Variants in GRIN2B observed in about 807,000 individuals in gnomAD.
GRIN2B encodes the protein glutamate receptor ionotropic, NMDA 2B.
Under a neutral mutation model 114.5 loss-of-function variants are expected in GRIN2B, and 5 were observed. The ratio of observed to expected loss-of-function variants is 0.04; its 90% CI spans 0.02 to 0.09. The LOEUF is 0.09. GRIN2B is among the 10% of genes least tolerant of loss of function. GRIN2B has a pLI of 1.00. For missense variants in GRIN2B, 1,108 were observed against 1,943.5 expected (o/e 0.57, Z 8.08); for synonymous variants, 787 against 745.1 (o/e 1.06, Z -0.92).
intron 4 of GRIN2B, among the ~76,000 whole-genome samples, chr12:13,751,838 G>A (rs1011844269): frequency 1.3e-5 from 2 of 152,132 alleles, no homozygotes; most frequent in East Asian, 1.9e-4. Flanking sequence ...AAGGAAGAGG[G>A]TCTAGAACCC....
intron 10 of GRIN2B, among the ~76,000 whole-genome samples, chr12:13,575,844 CT>C (rs1176033982): frequency 1.3e-5 from 2 of 151,996 alleles, no homozygotes; most frequent in African/African-American, 2.4e-5. Context: ...GACCTACCCT[CT>C]TTTCTGGAAG....
chr12:13,683,921 T>G (rs1249852339), intron 4 of GRIN2B: 1 of 152,164 alleles, frequency 6.6e-6, no homozygotes, highest in Non-Finnish European at 1.5e-5. Flanking sequence ...AGTCTAACTG[T>G]TCATATTTAG....
rs1427827056 is a variant in GRIN2B at position 13,692,760 on chromosome 12, C to CTTTCTTTTTTTT, written c.1011-16902_1011-16901insAAAAAAAAGAAA. ...ACTTATTTTCATTAATCTTTCTTTT[C>CTTTCTTTTTTTT]TTTTTTTTTTTTTTTTTTTTTTTTT... is the stretch of plus-strand genomic sequence containing the variant. On this transcript the variant is annotated intron_variant, in intron 4 of 13. Transcript: ENST00000609686. Among the ~76,000 whole-genome samples, 22 of 52,118 alleles carry CTTTCTTTTTTTT rather than the reference C, an allele frequency of 4.2e-4. 1 individual carries two copies. The highest frequency in any genetic ancestry group is 1.8e-3 in the African/African-American group (19 of 10,542). The allele number at this position is 52,118 out of a possible 152,430, so 34.2% of individuals were successfully genotyped here.
At chr12:13,692,071 A>G (rs555252214) in intron 4 of GRIN2B, among the ~76,000 whole-genome samples, 5 of 152,216 alleles carry the variant, frequency 3.3e-5, no homozygotes, top group Non-Finnish European at 7.3e-5. Context: ...CCCCCGATTG[A>G]AGCCAAGAGA....
chr12:13,793,835 T>G (rs1457561665), intron 3 of GRIN2B, among the ~76,000 whole-genome samples: 2 of 152,180 alleles, frequency 1.3e-5, no homozygotes, highest in East Asian at 3.9e-4. Flanking sequence ...ATCAGACTTT[T>G]TGGAAGAAGG....
intron 8 of GRIN2B, among the ~76,000 whole-genome samples, chr12:13,613,378 T>C (rs1949390759): frequency 6.6e-6 from 1 of 152,190 alleles, no homozygotes; most frequent in Admixed American, 6.5e-5. Flanking sequence ...ATATAATCCT[T>C]CTAATGGCCC....
chr12:13,558,777 A>C lies in GRIN2B; in HGVS notation c.*4006T>G, dbSNP rs1401785611. The C allele has an allele frequency of 6.6e-6, 1 of 152,224 alleles. No individual in the cohort carries two copies. Among genetic ancestry groups the C allele is most frequent in the Non-Finnish European group, 1.5e-5 (1 of 68,048 alleles). The allele number at this position is 152,224 out of a possible 1,614,324, so 9.4% of individuals were successfully genotyped here. ...TTTCCCAAGTTCTGGCTGAGGATAC[A>C]CAGTGACAGATTTTGAAATAACAAA... On this transcript the variant is annotated 3_prime_UTR_variant, in exon 14 of 14. Coordinates refer to ENST00000609686, the MANE Select transcript of GRIN2B (RefSeq NM_000834.5).
intron 2 of GRIN2B, among the ~76,000 whole-genome samples, chr12:13,947,262 C>G (rs757166326): frequency 6.6e-6 from 1 of 152,150 alleles, no homozygotes; most frequent in African/African-American, 2.4e-5. Flanking sequence ...TGAGGTTGCA[C>G]GTATGTATCC....
At chr12:13,778,757 A>C (rs1231435328) in intron 3 of GRIN2B, among the ~76,000 whole-genome samples, 3 of 152,182 alleles carry the variant, frequency 2.0e-5, no homozygotes, top group Non-Finnish European at 2.9e-5. Flanking sequence ...AATCACCTGA[A>C]ACCCGTACTT....
intron 3 of GRIN2B, among the ~76,000 whole-genome samples, chr12:13,759,779 T>C (rs550610403): frequency 6.6e-6 from 1 of 152,320 alleles, no homozygotes; most frequent in Admixed American, 6.5e-5. Flanking sequence ...GATGTTATTC[T>C]ATACCCCAAG....
chr12:13,857,372 T>TACACACACACAC (rs142914230), intron 3 of GRIN2B, among the ~76,000 whole-genome samples: 4 of 147,584 alleles, frequency 2.7e-5, no homozygotes, highest in African/African-American at 9.9e-5. Context: ...CACGCGTGCA[T>TACACACACACAC]ACACACACAC....
At chr12:13,680,363 C>G (rs1213314174) in intron 4 of GRIN2B, among the ~76,000 whole-genome samples, 1 of 151,478 alleles carries the variant, frequency 6.6e-6, no homozygotes, top group South Asian at 2.1e-4. Flanking sequence ...AGTCAAAAAG[C>G]TTTGCTTCAA....
intron 2 of GRIN2B, among the ~76,000 whole-genome samples, chr12:13,948,548 T>A (rs1472658503): frequency 6.6e-6 from 1 of 152,114 alleles, no homozygotes; most frequent in Non-Finnish European, 1.5e-5. Context: ...TGCCAAAGAT[T>A]TCAACACGGT....
At chr12:13,572,007 G>GGAGA (rs370168771) in intron 10 of GRIN2B, 43 bp from the exon 11 acceptor site, 18 of 1,462,906 alleles carry the variant, frequency 1.2e-5, no homozygotes, top group Admixed American at 9.1e-5. Flanking sequence ...GGAGATGGAG[G>GGAGA]GAGAGAGAGA....
chr12:13,734,436 G>A (rs191978911), intron 4 of GRIN2B, among the ~76,000 whole-genome samples: 158 of 152,262 alleles, frequency 1.0e-3, no homozygotes, highest in Admixed American at 1.8e-3. Context: ...CCATGGGAAC[G>A]CTTTATGTGC....
chr12:13,576,291 T>TA (rs1016090876), intron 10 of GRIN2B, among the ~76,000 whole-genome samples: 3 of 152,190 alleles, frequency 2.0e-5, no homozygotes, highest in African/African-American at 7.2e-5. Context: ...AATGCCCTTG[T>TA]AATAAAACTT....
chr12:13,650,898 T>C (rs1949806373), intron 5 of GRIN2B, among the ~76,000 whole-genome samples: 1 of 152,122 alleles, frequency 6.6e-6, no homozygotes, highest in South Asian at 2.1e-4. Flanking sequence ...AGTAGATTAG[T>C]TCCTGGTGCA....
intron 5 of GRIN2B, among the ~76,000 whole-genome samples, chr12:13,667,566 C>G (rs1182261427): frequency 6.6e-6 from 1 of 152,118 alleles, no homozygotes; most frequent in Admixed American, 6.6e-5. Context: ...ATATGAATGT[C>G]TAATCATAGG....
chr12:13,626,830 C>T (rs1452368841), intron 5 of GRIN2B, among the ~76,000 whole-genome samples: 2 of 126,148 alleles, frequency 1.6e-5, no homozygotes, highest in Non-Finnish European at 3.4e-5. Context: ...ACCCTCCCCC[C>T]TCCCCCCTCA....
Sources: gnomAD v4.1 joint callset for allele counts (sites outside exome capture counted in the v4.1 genomes callset) on GRCh38, gnomAD v4.1.1 for gene constraint, MANE v1.5 for transcripts, NCBI Gene and HGNC (gene_info 2026-07-23, HGNC 2026-07-21) for gene names.